The following LINGO2 variants were observed in gnomAD, a reference collection of about 807,000 sequenced individuals.
LINGO2 encodes leucine rich repeat and Ig domain containing 2, also known as leucine-rich repeat and immunoglobulin-like domain-containing nogo receptor-interacting protein 2.
LINGO2 carries 14 observed loss-of-function variants against 30.6 expected under a neutral mutation model. The observed-to-expected ratio is 0.46, with a 90% CI of 0.30 to 0.72. LINGO2 has a LOEUF of 0.72. LINGO2 is among the 30% of genes least tolerant of loss of function. LINGO2 has a pLI of 0.07. For synonymous variants in LINGO2, 317 were observed against 288.5 expected, an observed-to-expected ratio of 1.10 and a Z score of -1.00; for missense variants, 729 against 751.7, an observed-to-expected ratio of 0.97 and a Z score of 0.35.
At chr9:28,540,241 GCTCTCTCTCTCTTTCTGTCTCTCTCT>G (rs1564277090) in intron 1 of LINGO2, among the ~76,000 whole-genome samples, 1 of 148,748 alleles carries the variant, frequency 6.7e-6, no homozygotes, top group African/African-American at 2.5e-5. Flanking sequence ...TTTGAGACAG[GCTCTCTCTCTCTTTCTGTCTCTCTCT>G]CTCTCTCTCC....
chr9:28,014,045 T>A (rs576295100), intron 4 of LINGO2, among the ~76,000 whole-genome samples: 1 of 152,232 alleles, frequency 6.6e-6, no homozygotes, highest in African/African-American at 2.4e-5. Flanking sequence ...CAAGCCCAGA[T>A]GTCAATCATT....
At chr9:29,178,189 G>C in the LINGO2 span, among the ~76,000 whole-genome samples, 1 of 151,914 alleles carries the variant, frequency 6.6e-6, no homozygotes, top group African/African-American at 2.4e-5. Context: ...CCAAATAGCT[G>C]GGATTACAGA....
At chr9:28,946,293 A>C in the LINGO2 span, among the ~76,000 whole-genome samples, 1 of 152,168 alleles carries the variant, frequency 6.6e-6, no homozygotes, top group Non-Finnish European at 1.5e-5. Flanking sequence ...GTGCCCCTAC[A>C]CAGAGAGAAT....
At chr9:28,436,732 C>T (rs942075174) in intron 2 of LINGO2, among the ~76,000 whole-genome samples, 17 of 152,178 alleles carry the variant, frequency 1.1e-4, no homozygotes, top group Non-Finnish European at 2.1e-4. Context: ...GCTGGGATTA[C>T]AGGCATAAGC....
chr9:28,020,863 GA>G (rs753132843), intron 4 of LINGO2, among the ~76,000 whole-genome samples: 1 of 152,010 alleles, frequency 6.6e-6, no homozygotes, highest in Non-Finnish European at 1.5e-5. Context: ...AACCTCCTTG[GA>G]ATCTATAGTA....
At chr9:28,991,155 C>A in the LINGO2 span, among the ~76,000 whole-genome samples, 2 of 152,002 alleles carry the variant, frequency 1.3e-5, no homozygotes. Context: ...ATAACCAATA[C>A]AGAGAAGTGC....
At chr9:28,554,260 C>T (rs1394929842) in intron 1 of LINGO2, among the ~76,000 whole-genome samples, 9 of 151,198 alleles carry the variant, frequency 6.0e-5, no homozygotes, top group Non-Finnish European at 1.2e-4. Context: ...ACCCATCTCA[C>T]GTGCAGAGAC....
chr9:29,212,178 T>C, the LINGO2 span, among the ~76,000 whole-genome samples: 3 of 152,222 alleles, frequency 2.0e-5, no homozygotes, highest in South Asian at 6.2e-4. Context: ...CTCAGCCGGG[T>C]TCGGACCTGC....
intron 1 of LINGO2, among the ~76,000 whole-genome samples, chr9:28,529,553 T>C (rs1281129425): frequency 6.6e-6 from 1 of 151,276 alleles, no homozygotes; most frequent in East Asian, 1.9e-4. Context: ...TTTAAAGCCC[T>C]AACTAAACTA....
At chr9:29,050,673 T>A in the LINGO2 span, among the ~76,000 whole-genome samples, 2 of 152,184 alleles carry the variant, frequency 1.3e-5, no homozygotes, top group Admixed American at 6.5e-5. Context: ...ACTAGTTACT[T>A]CTTTTATCAT....
chr9:28,949,143 C>A, the LINGO2 span, among the ~76,000 whole-genome samples: 1 of 151,902 alleles, frequency 6.6e-6, no homozygotes, highest in Non-Finnish European at 1.5e-5. Flanking sequence ...TAAATGCCGA[C>A]AGGAGAAAGT....
At chr9:27,943,173 G>A (rs896787276), downstream of LINGO2, 1 of 152,086 alleles carries the variant, frequency 6.6e-6, no homozygotes, top group Admixed American at 6.6e-5. Context: ...AAGCAATTTA[G>A]AATAGGAGGT....
the LINGO2 span, among the ~76,000 whole-genome samples, chr9:28,715,159 T>A: frequency 9.3e-3 from 1,420 of 152,278 alleles, 23 homozygotes; most frequent in African/African-American, 0.033. Flanking sequence ...ATTTTTCCAA[T>A]TACTGCTTTC....
chr9:28,938,082 C>G, the LINGO2 span, among the ~76,000 whole-genome samples: 1 of 152,188 alleles, frequency 6.6e-6, no homozygotes, highest in Non-Finnish European at 1.5e-5. Context: ...GCATATTTTG[C>G]AGCCAGAGAG....
At chr9:28,330,823 A>G (rs1424972351) in intron 3 of LINGO2, among the ~76,000 whole-genome samples, 1 of 152,174 alleles carries the variant, frequency 6.6e-6, no homozygotes, top group Non-Finnish European at 1.5e-5. Flanking sequence ...TGTTCAAAAG[A>G]GTGACCACAA....
At chr9:28,590,932 C>T (rs962377018) in intron 1 of LINGO2, among the ~76,000 whole-genome samples, 13 of 151,986 alleles carry the variant, frequency 8.6e-5, no homozygotes, top group African/African-American at 2.2e-4. Context: ...TGATAGACTG[C>T]GTTAAGAAAA....
intron 4 of LINGO2, among the ~76,000 whole-genome samples, chr9:28,246,318 G>A (rs1043979652): frequency 5.3e-5 from 8 of 152,154 alleles, no homozygotes; most frequent in African/African-American, 1.9e-4. Flanking sequence ...CAGCTACCTG[G>A]GAGGCTGAGG....
chr9:29,188,626 C>T, the LINGO2 span, among the ~76,000 whole-genome samples: 3 of 151,984 alleles, frequency 2.0e-5, no homozygotes, highest in African/African-American at 7.3e-5. Context: ...GGCAGAGGGG[C>T]TCCTCACTTC....
At chr9:28,994,886 T>C in the LINGO2 span, among the ~76,000 whole-genome samples, 1 of 152,176 alleles carries the variant, frequency 6.6e-6, no homozygotes, top group African/African-American at 2.4e-5. Context: ...GATAAAAGAC[T>C]TAAACGTTAG....
Sources: gnomAD v4.1 joint callset for allele counts (sites outside exome capture counted in the v4.1 genomes callset) on GRCh38, gnomAD v4.1.1 for gene constraint, MANE v1.5 for transcripts, NCBI Gene and HGNC (gene_info 2026-07-23, HGNC 2026-07-21) for gene names.